DCHS2: variants seen among roughly 807,000 people sequenced by gnomAD.
DCHS2 encodes protocadherin-23.
In DCHS2, 142 loss-of-function variants were observed where a neutral mutation model predicts 182.4. That is an observed-to-expected ratio of 0.78 (90% confidence interval 0.68 to 0.89). DCHS2 has a LOEUF of 0.89. Among genes scored for constraint, DCHS2 ranks in the 40% least tolerant of loss-of-function variants. The pLI, the probability that DCHS2 is intolerant of heterozygous loss-of-function variation, is 0.00. For missense variants in DCHS2, 4,319 were observed against 4,198.6 expected, an observed-to-expected ratio of 1.03 and a Z score of -0.79; for synonymous variants, 1,740 against 1,663.3, an observed-to-expected ratio of 1.05 and a Z score of -1.12.
chr4:154,341,385 A>G (rs866958453), intron 3 of DCHS2, among the ~76,000 whole-genome samples: 7 of 151,708 alleles, frequency 4.6e-5, no homozygotes, highest in Middle Eastern at 3.4e-3. Context: ...AAAAAAAAAA[A>G]AGAGAACGTT....
chr4:154,364,088 C>A (rs940386832), intron 3 of DCHS2, among the ~76,000 whole-genome samples: 39 of 152,142 alleles, frequency 2.6e-4, no homozygotes, highest in Non-Finnish European at 2.5e-4. Flanking sequence ...ACAATAAGAA[C>A]CCAAGGCTAT....
intron 10 of DCHS2, among the ~76,000 whole-genome samples, chr4:154,307,853 C>G (rs1735510491): frequency 6.6e-6 from 1 of 152,146 alleles, no homozygotes; most frequent in Non-Finnish European, 1.5e-5. Flanking sequence ...CAGATCACTT[C>G]CCTTTCCATT....
At chr4:154,403,686 T>C (rs924476315) in intron 1 of DCHS2, among the ~76,000 whole-genome samples, 14 of 152,292 alleles carry the variant, frequency 9.2e-5, no homozygotes, top group African/African-American at 3.4e-4. Context: ...TCCGTCGCCC[T>C]ATATTTTCTG....
In DCHS2 at chr4:154,304,671, A is replaced by T. The variant is rs773058478; in HGVS notation, c.5603T>A (p.Ile1868Asn). ...AACAAACAAACAAACAAACTTACCA[A>T]TTATGTGATATTCAACAGCTCTGTT... is the stretch of plus-strand genomic sequence containing the variant. ...GNNRAVEYHI[I>N]DGNTDECFTI... Residue 1868 changes from isoleucine (I) to asparagine (N), a missense_variant and splice_region_variant, in exon 12 of 20, where the codon ATT becomes AAT. Transcript: ENST00000357232. 6 of 1,603,420 alleles carry T rather than the reference A, an allele frequency of 3.7e-6. No homozygotes were observed. Among genetic ancestry groups the T allele is most frequent in the Non-Finnish European group, 4.3e-6 (5 of 1,174,544 alleles).
At chr4:154,373,989 G>GTT in intron 2 of DCHS2, 1 of 1,238,394 alleles carries the variant, frequency 8.1e-7, no homozygotes, top group Non-Finnish European at 1.1e-6. Flanking sequence ...TTTGGAGGTG[G>GTT]ATATTTTAAT....
intron 18 of DCHS2, among the ~76,000 whole-genome samples, chr4:154,240,122 A>T (rs1047731555): frequency 1.3e-5 from 2 of 152,218 alleles, no homozygotes; most frequent in African/African-American, 4.8e-5. Context: ...TAAAATTTCC[A>T]CTTTATAGTT....
At chr4:154,445,747 G>A (rs1177182188) in intron 1 of DCHS2, among the ~76,000 whole-genome samples, 1 of 151,392 alleles carries the variant, frequency 6.6e-6, no homozygotes, top group Non-Finnish European at 1.5e-5. Context: ...GGAGTTCTAG[G>A]CTGCAGTGAG....
intron 1 of DCHS2, among the ~76,000 whole-genome samples, chr4:154,414,835 A>T (rs576063767): frequency 3.4e-4 from 52 of 152,380 alleles, no homozygotes; most frequent in Admixed American, 1.6e-3. Flanking sequence ...ACTGCAGGTT[A>T]TAAGGAAAAT....
At chr4:154,443,799 TCTG>T (rs1734136172) in intron 1 of DCHS2, among the ~76,000 whole-genome samples, 1 of 152,158 alleles carries the variant, frequency 6.6e-6, no homozygotes, top group African/African-American at 2.4e-5. Flanking sequence ...CCCTCCCCAT[TCTG>T]CTATCCAAAT....
At chr4:154,330,680 T>C (rs1356450003) in intron 5 of DCHS2, among the ~76,000 whole-genome samples, 1 of 151,928 alleles carries the variant, frequency 6.6e-6, no homozygotes, top group Non-Finnish European at 1.5e-5. Context: ...AGCATTGCAT[T>C]AAAAAAAAGT....
chr4:154,425,478 C>T (rs140773135), intron 1 of DCHS2, among the ~76,000 whole-genome samples: 7 of 152,304 alleles, frequency 4.6e-5, no homozygotes, highest in African/African-American at 1.7e-4. Context: ...ACTCACTGCC[C>T]TATTTAGAAG....
chr4:154,459,445 G>C (rs1294153277), intron 1 of DCHS2, among the ~76,000 whole-genome samples: 1 of 151,954 alleles, frequency 6.6e-6, no homozygotes, highest in African/African-American at 2.4e-5. Context: ...CAAAGTTTTT[G>C]CTCTTCTCTT....
At position 154,257,281 on chromosome 4, in the gene DCHS2, G is replaced by A. The variant is rs994818396; in HGVS notation, c.6790-1611C>T. On this transcript the variant is annotated intron_variant, in intron 15 of 19. Coordinates refer to ENST00000357232, the MANE Select transcript of DCHS2 (RefSeq NM_001358235.2). ...AGTGCTACAGAGAGTATCTCTGGGT[G>A]GTCTATCAGCTATGGTTCTAGGGTA... Among the ~76,000 whole-genome samples, 8 of 152,158 alleles carry A rather than the reference G, an allele frequency of 5.3e-5. 1 individual carries two copies. Among genetic ancestry groups the A allele is most frequent in the Admixed American group, 1.3e-4 (2 of 15,278 alleles).
At chr4:154,402,632 C>G (rs1732236873) in intron 1 of DCHS2, among the ~76,000 whole-genome samples, 2 of 152,140 alleles carry the variant, frequency 1.3e-5, no homozygotes, top group Non-Finnish European at 2.9e-5. Context: ...GAGCAAAGTC[C>G]CATCTTACAT....
chr4:154,460,585 T>C (rs1233032356), intron 1 of DCHS2, among the ~76,000 whole-genome samples: 1 of 152,176 alleles, frequency 6.6e-6, no homozygotes, highest in Non-Finnish European at 1.5e-5. Context: ...GGACTAGGAC[T>C]GGAAAGGGCT....
chr4:154,435,324 CG>C (rs1205583886), intron 1 of DCHS2, among the ~76,000 whole-genome samples: 3 of 152,098 alleles, frequency 2.0e-5, no homozygotes, highest in African/African-American at 7.2e-5. Flanking sequence ...TGGCTGGGCG[CG>C]GTGGCTCATG....
intron 1 of DCHS2, among the ~76,000 whole-genome samples, chr4:154,378,892 T>C (rs886966892): frequency 6.6e-6 from 1 of 152,182 alleles, no homozygotes; most frequent in Non-Finnish European, 1.5e-5. Flanking sequence ...TGCTAGATTA[T>C]GTGTAGCACC....
chr4:154,307,923 C>A lies in DCHS2; in HGVS notation c.5261-2692G>T, dbSNP rs373780782. 2.0e-5 allele frequency among the ~76,000 whole-genome samples: 3 copies of A among 152,308 alleles called. No homozygotes were observed. The East Asian group carries it at 5.8e-4, about 29-fold the overall frequency. Reference sequence around the variant, plus strand: ...CCTCACCCTCTGCACCTGTACTCAACTGTACCCCTTACTCCCTGTCTCAAT... The same window carrying A: ...CCTCACCCTCTGCACCTGTACTCAAATGTACCCCTTACTCCCTGTCTCAAT... On this transcript the variant is annotated intron_variant, in intron 10 of 19. Coordinates refer to ENST00000357232, the MANE Select transcript of DCHS2 (RefSeq NM_001358235.2).
chr4:154,349,253 T>C (rs1355436632), intron 3 of DCHS2, among the ~76,000 whole-genome samples: 1 of 150,002 alleles, frequency 6.7e-6, no homozygotes, highest in East Asian at 1.9e-4. Flanking sequence ...ACTTTCCTTG[T>C]AAAGGTTAAA....
Sources: allele counts gnomAD v4.1 joint callset (sites outside exome capture counted in the v4.1 genomes callset), GRCh38; gene constraint gnomAD v4.1.1; transcripts MANE v1.5; gene names NCBI Gene and HGNC (gene_info 2026-07-23, HGNC 2026-07-21).